The following PSD3 variants were observed in gnomAD, a reference collection of about 807,000 sequenced individuals.
The protein encoded by PSD3 is pleckstrin and Sec7 domain containing 3, also known as PH and SEC7 domain-containing protein 3.
Under a neutral mutation model 105.5 loss-of-function variants are expected in PSD3, and 49 were observed. The ratio of observed to expected loss-of-function variants is 0.46; its 90% confidence interval spans 0.37 to 0.59. The LOEUF (loss-of-function observed/expected upper bound fraction) is 0.59. PSD3 is among the 20% of genes least tolerant of loss of function. The probability of loss-of-function intolerance (pLI) is 0.00; values close to 1 mark genes in which losing one functional copy is unlikely to be tolerated. For synonymous variants in PSD3, 557 were observed against 457.8 expected, an observed-to-expected ratio of 1.22 and a Z score of -2.77; for missense variants, 1,561 against 1,263.8, an observed-to-expected ratio of 1.24 and a Z score of -3.57.
At chr8:18,721,001 A>G (rs975404625) in intron 9 of PSD3, 2 of 152,180 alleles carry the variant, frequency 1.3e-5, no homozygotes, top group African/African-American at 2.4e-5. Context: ...TCATCTGTCA[A>G]TGTGAACAAG....
At chr8:18,737,711 A>AC (rs1804257348) in intron 9 of PSD3, among the ~76,000 whole-genome samples, 1 of 151,844 alleles carries the variant, frequency 6.6e-6, no homozygotes, top group Admixed American at 6.6e-5. Flanking sequence ...TATATACCTT[A>AC]TTTTTTTTCC....
At chr8:18,911,054 A>T (rs911249566) in intron 2 of PSD3, among the ~76,000 whole-genome samples, 11 of 152,254 alleles carry the variant, frequency 7.2e-5, no homozygotes, top group South Asian at 4.1e-4. Flanking sequence ...GCTGCAGTAA[A>T]CTATGATCAT....
At chr8:18,569,078 T>C (rs1801978919) in intron 14 of PSD3, among the ~76,000 whole-genome samples, 1 of 131,636 alleles carries the variant, frequency 7.6e-6, no homozygotes. Context: ...GGTGTATATG[T>C]GCCACATTTT....
chr8:18,895,056 C>G (rs1014337996), intron 2 of PSD3, among the ~76,000 whole-genome samples: 3 of 152,200 alleles, frequency 2.0e-5, no homozygotes, highest in African/African-American at 7.2e-5. Flanking sequence ...CTTTGAAAGA[C>G]ACCAACGGAA....
Position 18,645,734 on chromosome 8 carries a change from G to A in PSD3, c.2216+9908C>T, listed in dbSNP as rs141242562. On this transcript the variant is annotated intron_variant, in intron 10 of 15. Coordinates refer to ENST00000327040, the MANE Select transcript of PSD3 (RefSeq NM_015310.4). ...CTAAATCTCATTCTAGAATTTCAATGAGGTGTAATGAGTATCTAGAAAAGT... is the reference window on the plus strand; with the variant it reads ...CTAAATCTCATTCTAGAATTTCAATAAGGTGTAATGAGTATCTAGAAAAGT... Among the ~76,000 whole-genome samples, 713 of 152,252 alleles carry A rather than the reference G, an allele frequency of 4.7e-3. 8 individuals carry two copies. Among genetic ancestry groups the A allele is most frequent in the African/African-American group, 0.016 (676 of 41,524 alleles).
rs556093166 is a variant in PSD3 at position 18,599,063 on chromosome 8, T to C, written c.2481+1301A>G. On this transcript the variant is annotated intron_variant, in intron 12 of 15. Transcript: ENST00000327040. ...AGAAAAAAAAATTCCAAAATTTATA[T>C]GTAATCATAAAAGACTCTGAATCTC... 2.1e-4 allele frequency among the ~76,000 whole-genome samples: 32 copies of C among 152,258 alleles called. No individual in the cohort carries two copies. The South Asian group carries it at 4.6e-3, about 22-fold the overall frequency.
intron 1 of PSD3, among the ~76,000 whole-genome samples, chr8:18,971,900 G>A (rs1306414522): frequency 1.3e-5 from 2 of 152,178 alleles, no homozygotes; most frequent in Admixed American, 6.5e-5. Context: ...AGCTCCTCAG[G>A]AGGCTGAGGT....
At chr8:18,568,811 T>G (rs377229809) in intron 14 of PSD3, among the ~76,000 whole-genome samples, 3 of 151,778 alleles carry the variant, frequency 2.0e-5, no homozygotes, top group Admixed American at 6.6e-5. Context: ...ACCCACTAAC[T>G]CGTCATCTAG....
At chr8:18,634,579 T>C (rs1807125660) in intron 10 of PSD3, among the ~76,000 whole-genome samples, 1 of 152,128 alleles carries the variant, frequency 6.6e-6, no homozygotes, top group South Asian at 2.1e-4. Context: ...TGTTGTCATG[T>C]CTCTTTAGCG....
At chr8:18,852,056 T>C (rs1815620356) in intron 4 of PSD3, among the ~76,000 whole-genome samples, 1 of 152,168 alleles carries the variant, frequency 6.6e-6, no homozygotes, top group Non-Finnish European at 1.5e-5. Flanking sequence ...CTGAATTAAA[T>C]GTAAGACCTT....
intron 2 of PSD3, among the ~76,000 whole-genome samples, chr8:18,931,717 T>G (rs762567413): frequency 6.6e-6 from 1 of 152,204 alleles, no homozygotes; most frequent in Non-Finnish European, 1.5e-5. Context: ...ACAGTTCTCC[T>G]CCTTCCTCCG....
intron 1 of PSD3, among the ~76,000 whole-genome samples, chr8:19,059,190 C>T (rs954798655): frequency 2.6e-5 from 4 of 152,198 alleles, no homozygotes; most frequent in African/African-American, 9.7e-5. Context: ...CCAAATAACA[C>T]CCAGTTGTGG....
chr8:18,645,345 C>G (rs941272743), intron 10 of PSD3, among the ~76,000 whole-genome samples: 40 of 152,116 alleles, frequency 2.6e-4, no homozygotes, highest in African/African-American at 9.2e-4. Context: ...TTTAAAAATA[C>G]TTTACTGTAG....
At chr8:18,960,843 T>C (rs1457512476) in intron 1 of PSD3, among the ~76,000 whole-genome samples, 2 of 152,082 alleles carry the variant, frequency 1.3e-5, no homozygotes, top group Non-Finnish European at 2.9e-5. Context: ...CCCAGGACTT[T>C]AAGAGGCCAA....
At chr8:19,066,605 T>A (rs1339934367) in intron 1 of PSD3, among the ~76,000 whole-genome samples, 1 of 152,224 alleles carries the variant, frequency 6.6e-6, no homozygotes, top group Non-Finnish European at 1.5e-5. Context: ...CAGAACCTGG[T>A]GTGCAGCTAC....
At chr8:18,608,769 A>G (rs546038938) in intron 11 of PSD3, among the ~76,000 whole-genome samples, 77 of 152,242 alleles carry the variant, frequency 5.1e-4, no homozygotes, top group African/African-American at 1.8e-3. Flanking sequence ...ATGCCAGAAA[A>G]GTTTTTTTTT....
intron 4 of PSD3, among the ~76,000 whole-genome samples, chr8:18,843,332 C>A (rs866483247): frequency 6.5e-3 from 770 of 117,728 alleles, no homozygotes; most frequent in East Asian, 8.3e-3. Context: ...GACTCCGTCT[C>A]AAAAAAAAAA....
intron 10 of PSD3, among the ~76,000 whole-genome samples, chr8:18,640,743 G>A (rs1807585973): frequency 6.6e-6 from 1 of 152,146 alleles, no homozygotes; most frequent in Admixed American, 6.6e-5. Flanking sequence ...GAGGGAAGAT[G>A]GCAGAAGAAA....
intron 9 of PSD3, among the ~76,000 whole-genome samples, chr8:18,689,472 G>C (rs1800850083): frequency 6.6e-6 from 1 of 152,124 alleles, no homozygotes; most frequent in Non-Finnish European, 1.5e-5. Flanking sequence ...AAGTGGAAAT[G>C]AATTATAAAT....
Sources: allele counts gnomAD v4.1 joint callset (sites outside exome capture counted in the v4.1 genomes callset), GRCh38; gene constraint gnomAD v4.1.1; transcripts MANE v1.5; gene names NCBI Gene and HGNC (gene_info 2026-07-23, HGNC 2026-07-21).